Variants in C20orf203 observed in about 807,000 individuals in gnomAD.
The protein encoded by C20orf203 is uncharacterized protein C20orf203.
Under a neutral mutation model 15.9 loss-of-function variants are expected in C20orf203, and 16 were observed. The observed-to-expected ratio is 1.01, with a 90% CI of 0.68 to 1.53. The LOEUF (loss-of-function observed/expected upper bound fraction) is 1.53, where lower values mean the gene tolerates loss of function less well. C20orf203 is among the 40% of genes most tolerant of loss of function. C20orf203 has a pLI of 0.00. For missense variants in C20orf203, 263 were observed against 247.5 expected, an observed-to-expected ratio of 1.06 and a Z score of -0.42; for synonymous variants, 98 against 97.2, an observed-to-expected ratio of 1.01 and a Z score of -0.05.
intron 4 of C20orf203, among the ~76,000 whole-genome samples, chr20:32,645,030 C>T (rs1039063680): frequency 2.6e-5 from 4 of 152,060 alleles, no homozygotes; most frequent in African/African-American, 9.7e-5. Context: ...CCTCGCTCTC[C>T]AGGCCCCCTT....
At position 32,651,067 on chromosome 20, in the gene C20orf203, G is replaced by A; in HGVS notation, c.86C>T (p.Pro29Leu). Residue 29 changes from proline (P) to leucine (L), a missense_variant, in exon 3 of 6, where the codon CCA becomes CTA. Pro to Leu is a moderately conservative substitution (Grantham distance 98). Transcript: ENST00000608990. ...PPNMLDHRQWPPRLASFPFTK... is the reference protein window; with the variant it reads ...PPNMLDHRQWLPRLASFPFTK... ...AAAGGGAAAACTGGCCAGGCGAGGT[G>A]GCCACTGCCTGTGATCCAGCATGTT... 1 of 1,529,606 alleles carries A rather than the reference G, an allele frequency of 6.5e-7. No homozygotes were observed. The highest frequency in any genetic ancestry group is 8.8e-7 in the Non-Finnish European group (1 of 1,135,822). 94.8% of individuals were successfully genotyped at this position (1,529,606 alleles called of 1,614,324 possible). A position where few individuals can be genotyped will look rare whatever the true frequency, so the allele number is the denominator to read the frequency against.
At chr20:32,657,830 G>A (rs1160003829) in intron 1 of C20orf203, 1 of 151,686 alleles carries the variant, frequency 6.6e-6, no homozygotes, top group Non-Finnish European at 1.5e-5. Context: ...CATGGTGGTG[G>A]GCACCCCTAA....
At chr20:32,648,607 A>ATGTTTTTTT (rs58582539) in intron 4 of C20orf203, among the ~76,000 whole-genome samples, 1 of 125,900 alleles carries the variant, frequency 7.9e-6, no homozygotes, top group Non-Finnish European at 1.7e-5. Context: ...AATCTGGCTA[A>ATGTTTTTTT]TTTTTTTTTT....
At chr20:32,671,956 T>C (rs1026966591) in intron 1 of C20orf203, among the ~76,000 whole-genome samples, 1 of 150,444 alleles carries the variant, frequency 6.6e-6, no homozygotes, top group African/African-American at 2.5e-5. Context: ...GTCACACAGA[T>C]AAAAATGTCC....
chr20:32,633,937 G>A lies in C20orf203; in HGVS notation c.*1633C>T, dbSNP rs1212540131. 7.5e-6 allele frequency: 3 copies of A among 398,200 alleles called. No individual in the cohort carries two copies. Among genetic ancestry groups the A allele is most frequent in the Admixed American group, 8.8e-5 (2 of 22,704 alleles). The allele number at this position is 398,200 out of a possible 1,614,324, so 24.7% of individuals were successfully genotyped here. On this transcript the variant is annotated 3_prime_UTR_variant, in exon 6 of 6. Coordinates refer to ENST00000608990, the MANE Select transcript of C20orf203 (RefSeq NM_182584.4). ...CTGGATGCTTCTCCCGGATCCTGAT[G>A]CCTGAGCTTCAGCTTCCCCACTCCG... is the stretch of plus-strand genomic sequence containing the variant.
Position 32,634,181 on chromosome 20 carries a change from C to T in C20orf203, c.*1389G>A, listed in dbSNP as rs1008230000. 5 of 398,380 alleles carry T rather than the reference C, an allele frequency of 1.3e-5. No homozygotes were observed. Among genetic ancestry groups the T allele is most frequent in the South Asian group, 1.3e-4 (1 of 7,844 alleles). 24.7% of individuals were successfully genotyped at this position (398,380 alleles called of 1,614,324 possible). On this transcript the variant is annotated 3_prime_UTR_variant, in exon 6 of 6. Transcript: ENST00000608990. ...AGCTCTGATGGAGATGGCGCAGGCA[C>T]GGGCTGCTGGGGCTTGAGTTCAGGG... is the stretch of plus-strand genomic sequence containing the variant.
chr20:32,662,918 G>GAT (rs35258914), intron 1 of C20orf203, among the ~76,000 whole-genome samples: 2,461 of 133,936 alleles, frequency 0.018, 85 homozygotes, highest in African/African-American at 0.066. Context: ...GGAACAGCTA[G>GAT]ATATATATAT....
At chr20:32,644,615 T>C (rs923151230) in intron 4 of C20orf203, among the ~76,000 whole-genome samples, 1 of 152,082 alleles carries the variant, frequency 6.6e-6, no homozygotes, top group South Asian at 2.1e-4. Flanking sequence ...GCCTAATTAA[T>C]TGGGAAAGTG....
At chr20:32,651,282 G>A (rs1982619005) in intron 2 of C20orf203, 116 bp from the exon 3 acceptor site, 1 of 411,476 alleles carries the variant, frequency 2.4e-6, no homozygotes, top group African/African-American at 2.1e-5. Flanking sequence ...CCAGAAGGTT[G>A]AGGCCGTAGT....
chr20:32,655,213 G>A (rs1982725581), intron 1 of C20orf203, among the ~76,000 whole-genome samples: 1 of 152,178 alleles, frequency 6.6e-6, no homozygotes, highest in Non-Finnish European at 1.5e-5. Context: ...TTAGGCAATA[G>A]TTTCATAAAT....
At chr20:32,650,983 G>A in intron 3 of C20orf203, 35 bp downstream of exon 3, 1 of 1,452,810 alleles carries the variant, frequency 6.9e-7, no homozygotes, top group Non-Finnish European at 9.1e-7. Context: ...CCCAGTGTCA[G>A]CCCAGGTGTG....
Position 32,649,475 on chromosome 20 carries a change from G to A in C20orf203, c.*957C>T, listed in dbSNP as rs1982541826. ...TCATAGGGGAACTAAGGCATGGTAC[G>A]GTTTGGTGGCTGGCCCAAGGCCACA... On this transcript the variant is annotated 3_prime_UTR_variant, in exon 4 of 6. Coordinates refer to ENST00000608990, the MANE Select transcript of C20orf203 (RefSeq NM_182584.4). 5 of 152,406 alleles carry A rather than the reference G, an allele frequency of 3.3e-5. No homozygotes were observed. The highest frequency in any genetic ancestry group is 1.2e-4 in the African/African-American group (5 of 41,462). The allele number at this position is 152,406 out of a possible 1,614,324, so 9.4% of individuals were successfully genotyped here. A position where few individuals can be genotyped will look rare whatever the true frequency, so the allele number is the denominator to read the frequency against.
At chr20:32,643,632 C>T (rs903698680) in intron 4 of C20orf203, among the ~76,000 whole-genome samples, 3 of 39,210 alleles carry the variant, frequency 7.7e-5, no homozygotes, top group Admixed American at 5.0e-4. Flanking sequence ...GAACCACACA[C>T]ACACACACAC....
chr20:32,654,881 C>T (rs1982718314), intron 1 of C20orf203, among the ~76,000 whole-genome samples: 2 of 152,224 alleles, frequency 1.3e-5, no homozygotes, highest in South Asian at 2.1e-4. Flanking sequence ...TGTTGGAGTG[C>T]ACACACTTCC....
chr20:32,651,131 T>A lies in C20orf203; in HGVS notation c.22A>T (p.Asn8Tyr), dbSNP rs1196607669. 8 of 970,926 alleles carry A rather than the reference T, an allele frequency of 8.2e-6. No homozygotes were observed. The highest frequency in any genetic ancestry group is 1.2e-5 in the Non-Finnish European group (8 of 668,214). 60.1% of individuals were successfully genotyped at this position (970,926 alleles called of 1,614,324 possible). A position where few individuals can be genotyped will look rare whatever the true frequency, so the allele number is the denominator to read the frequency against. The change falls in exon 3 of 6, where the codon AAC becomes TAC. Residue 8 changes from asparagine to tyrosine, a missense_variant. By Grantham distance (143) the Asn-to-Tyr change is moderately radical. Transcript: ENST00000608990. MFPRPVLNSRAQAILLPQ... is the reference protein window; with the variant it reads MFPRPVLYSRAQAILLPQ... ...AGGAGAATCGCTTGAGCCCGGGAGT[T>A]CAAGACAGGCCTAGGAAACATAGGA...
At chr20:32,642,504 T>C (rs577962990) in intron 4 of C20orf203, among the ~76,000 whole-genome samples, 2 of 152,348 alleles carry the variant, frequency 1.3e-5, no homozygotes, top group East Asian at 3.9e-4. Flanking sequence ...ATAACACTTT[T>C]GGCGCGGCGA....
intron 1 of C20orf203, among the ~76,000 whole-genome samples, chr20:32,660,140 T>C (rs559174947): frequency 5.3e-5 from 8 of 152,278 alleles, no homozygotes; most frequent in African/African-American, 1.7e-4. Context: ...ACTCCTGTCC[T>C]GTACAGGGCA....
At chr20:32,662,703 G>T (rs539453056) in intron 1 of C20orf203, among the ~76,000 whole-genome samples, 201 of 152,004 alleles carry the variant, frequency 1.3e-3, no homozygotes, top group African/African-American at 4.7e-3. Context: ...TCCCAGAATT[G>T]CCCCCATCTC....
At chr20:32,650,994 G>A (rs1982604124) in intron 3 of C20orf203, 24 bp downstream of exon 3, 1 of 1,457,468 alleles carries the variant, frequency 6.9e-7, no homozygotes, top group Non-Finnish European at 9.1e-7. Context: ...CCCAGGTGTG[G>A]GAGACAGGGA....
Sources: allele counts gnomAD v4.1 joint callset (sites outside exome capture counted in the v4.1 genomes callset), GRCh38; gene constraint gnomAD v4.1.1; transcripts MANE v1.5; gene names NCBI Gene and HGNC (gene_info 2026-07-23, HGNC 2026-07-21).